TBC1D22A: variants seen among roughly 807,000 people sequenced by gnomAD.
TBC1D22A encodes the protein putative GTPase activator.
In TBC1D22A, 38 loss-of-function variants were observed where a neutral mutation model predicts 60.2. The ratio of observed to expected loss-of-function variants is 0.63; its 90% CI spans 0.49 to 0.83. The LOEUF (loss-of-function observed/expected upper bound fraction) is 0.83. Among genes scored for constraint, TBC1D22A ranks in the 40% least tolerant of loss-of-function variants. The pLI is 0.00. For missense variants in TBC1D22A, 628 were observed against 701.0 expected (o/e 0.90, Z 1.18); for synonymous variants, 302 against 281.7 (o/e 1.07, Z -0.72).
rs751317232 is a variant in TBC1D22A, at chr22:46,777,940, A to G, written c.63-14580A>G. On this transcript the variant is annotated intron_variant, in intron 1 of 12. Coordinates refer to ENST00000337137, the MANE Select transcript of TBC1D22A (RefSeq NM_014346.5). The surrounding 1 kb of genome is among the most constrained non-coding windows in gnomAD (Gnocchi z 4.5). Reference sequence around the variant, plus strand: ...CTGCTGCACACCTAGGCTGTACGGCACCGTCTGTTGCTCTGAGGCTATGTG... The same window carrying G: ...CTGCTGCACACCTAGGCTGTACGGCGCCGTCTGTTGCTCTGAGGCTATGTG... 7.2e-5 allele frequency among the ~76,000 whole-genome samples: 11 copies of G among 152,242 alleles called. No individual in the cohort carries two copies. Among genetic ancestry groups the G allele is most frequent in the Non-Finnish European group, 1.6e-4 (11 of 68,050 alleles).
intron 11 of TBC1D22A, among the ~76,000 whole-genome samples, chr22:47,098,983 G>C (rs922654282): frequency 6.6e-6 from 1 of 152,164 alleles, no homozygotes; most frequent in Non-Finnish European, 1.5e-5. Context: ...CCCTGACTGC[G>C]GGGGCTCCTG....
chr22:46,790,288 C>T (rs143303432), intron 1 of TBC1D22A, among the ~76,000 whole-genome samples: 77 of 152,356 alleles, frequency 5.1e-4, no homozygotes, highest in African/African-American at 1.7e-3. Flanking sequence ...TGACCTTCCG[C>T]GGTCTCTTCT....
chr22:47,171,791 T>C (rs954698595), intron 12 of TBC1D22A, among the ~76,000 whole-genome samples: 2 of 152,220 alleles, frequency 1.3e-5, no homozygotes, highest in African/African-American at 4.8e-5. Context: ...TTCCCCGTTG[T>C]GGCCTCAGTG....
intron 11 of TBC1D22A, among the ~76,000 whole-genome samples, chr22:47,041,843 C>T (rs1263940755): frequency 1.3e-5 from 2 of 152,364 alleles, no homozygotes; most frequent in East Asian, 3.9e-4. Context: ...AGCACAGAAG[C>T]AGCCACAGAC....
At chr22:46,837,086 C>T (rs1222775906) in intron 4 of TBC1D22A, among the ~76,000 whole-genome samples, 1 of 152,000 alleles carries the variant, frequency 6.6e-6, no homozygotes, top group African/African-American at 2.4e-5. Context: ...GATCACACCC[C>T]TGGGTTCCAC....
At chr22:47,144,899 G>A (rs2067234447) in intron 12 of TBC1D22A, among the ~76,000 whole-genome samples, 1 of 151,686 alleles carries the variant, frequency 6.6e-6, no homozygotes, top group South Asian at 2.1e-4. Flanking sequence ...ACTGGGTGCA[G>A]CCCGTGAAGG....
chr22:46,930,170 C>G (rs185139640), intron 8 of TBC1D22A, among the ~76,000 whole-genome samples: 2 of 152,322 alleles, frequency 1.3e-5, no homozygotes, highest in East Asian at 3.9e-4. Context: ...TTCCTGGCTC[C>G]TTCTCACTGT....
intron 8 of TBC1D22A, among the ~76,000 whole-genome samples, chr22:46,939,617 T>C (rs559340231): frequency 1.8e-4 from 27 of 152,366 alleles, no homozygotes; most frequent in African/African-American, 6.5e-4. Context: ...TTGTAATTGA[T>C]GTTCATAAAT....
intron 7 of TBC1D22A, among the ~76,000 whole-genome samples, chr22:46,909,807 T>C (rs1266472263): frequency 4.6e-5 from 7 of 152,190 alleles, no homozygotes; most frequent in Non-Finnish European, 1.0e-4. Flanking sequence ...GGACCCAGCC[T>C]GCCTGTCTTC....
intron 4 of TBC1D22A, among the ~76,000 whole-genome samples, chr22:46,855,432 C>T (rs1210934945): frequency 6.6e-6 from 1 of 152,102 alleles, no homozygotes; most frequent in Non-Finnish European, 1.5e-5. Context: ...GTTAGGAACA[C>T]GGGGATGTGG....
chr22:46,994,959 A>C (rs1422276582), intron 9 of TBC1D22A, among the ~76,000 whole-genome samples: 1 of 152,246 alleles, frequency 6.6e-6, no homozygotes. Context: ...TAAATTTCAA[A>C]TATACGAAAG....
Position 47,174,017 on chromosome 22 carries a change from AT to A in TBC1D22A, c.*392del, listed in dbSNP as rs1719688577. ...CCAGGGCCGGAACGAGGTAGTGGCC[AT>A]CTCATACCTACTCTGAAATGCAAAA... On this transcript the variant is annotated 3_prime_UTR_variant, in exon 13 of 13. Transcript: ENST00000337137. 1 of 194,622 alleles carries A rather than the reference AT, an allele frequency of 5.1e-6. No homozygotes were observed. Among genetic ancestry groups the A allele is most frequent in the African/African-American group, 2.3e-5 (1 of 42,744 alleles). The allele number at this position is 194,622 out of a possible 1,614,324, so 12.1% of individuals were successfully genotyped here.
chr22:46,974,241 T>A, intron 8 of TBC1D22A, 49 bp from the exon 9 acceptor site: 1 of 1,511,934 alleles, frequency 6.6e-7, no homozygotes, highest in Non-Finnish European at 9.0e-7. Flanking sequence ...TGGGTCGAGG[T>A]CCCGTGTGGC....
chr22:46,969,976 A>G (rs1197256732), intron 8 of TBC1D22A, among the ~76,000 whole-genome samples: 1 of 152,216 alleles, frequency 6.6e-6, no homozygotes, highest in African/African-American at 2.4e-5. Context: ...ATGTCACTGT[A>G]GAAAGTCCCC....
intron 1 of TBC1D22A, among the ~76,000 whole-genome samples, chr22:46,771,831 G>A (rs1416042688): frequency 6.6e-6 from 1 of 151,976 alleles, no homozygotes; most frequent in Non-Finnish European, 1.5e-5. Flanking sequence ...CTGACCTCAA[G>A]TGATCCACCC....
intron 8 of TBC1D22A, among the ~76,000 whole-genome samples, chr22:46,934,650 G>T (rs973731068): frequency 6.6e-6 from 1 of 152,214 alleles, no homozygotes; most frequent in Non-Finnish European, 1.5e-5. Context: ...AGTCCTGAGG[G>T]TGAGGCGCGT....
intron 8 of TBC1D22A, among the ~76,000 whole-genome samples, chr22:46,966,143 T>C (rs6009075): frequency 0.14 from 20,645 of 152,174 alleles, 2,014 homozygotes; most frequent in African/African-American, 0.28. Flanking sequence ...TCTGTGAACT[T>C]TCTGCCTTCC....
intron 4 of TBC1D22A, among the ~76,000 whole-genome samples, chr22:46,808,405 AG>A (rs2085242705): frequency 6.6e-6 from 1 of 152,168 alleles, no homozygotes; most frequent in East Asian, 1.9e-4. Flanking sequence ...TAGGGATGGG[AG>A]GTGAAAAATA....
intron 8 of TBC1D22A, among the ~76,000 whole-genome samples, chr22:46,973,390 G>T (rs1036383090): frequency 1.3e-5 from 2 of 152,218 alleles, no homozygotes; most frequent in African/African-American, 2.4e-5. Flanking sequence ...TTCACAGTGC[G>T]CAGGAGAGGG....
Sources: gnomAD v4.1 joint callset for allele counts (sites outside exome capture counted in the v4.1 genomes callset) on GRCh38, gnomAD v4.1.1 for gene constraint, Gnocchi (gnomAD v3.1) non-coding constraint, MANE v1.5 for transcripts, NCBI Gene and HGNC (gene_info 2026-07-23, HGNC 2026-07-21) for gene names.